The following PKHD1 variants were observed in gnomAD, a reference collection of about 807,000 sequenced individuals.
PKHD1 encodes the protein fibrocystin.
In PKHD1, 291 loss-of-function variants were observed where a neutral mutation model predicts 412.0. The ratio of observed to expected loss-of-function variants is 0.71; its 90% confidence interval spans 0.64 to 0.78. The LOEUF (loss-of-function observed/expected upper bound fraction) is 0.78. Among genes scored for constraint, PKHD1 ranks in the 30% least tolerant of loss-of-function variants. PKHD1 has a pLI of 0.00. For missense variants in PKHD1, 4,825 were observed against 4,950.7 expected (o/e 0.97, Z 0.76); for synonymous variants, 1,777 against 1,821.5 (o/e 0.98, Z 0.62).
intron 60 of PKHD1, among the ~76,000 whole-genome samples, chr6:51,666,850 C>T (rs936200581): frequency 1.3e-5 from 2 of 151,964 alleles, no homozygotes; most frequent in East Asian, 1.9e-4. Flanking sequence ...CAATTTCATC[C>T]ATGTCCCTAC....
At chr6:51,643,554 T>G (rs921271039) in intron 63 of PKHD1, among the ~76,000 whole-genome samples, 12 of 152,132 alleles carry the variant, frequency 7.9e-5, no homozygotes, top group Middle Eastern at 3.2e-3. Context: ...CCTTTAAATT[T>G]GGATTGTATA....
At chr6:52,042,208 G>GA (rs1252604508) in intron 27 of PKHD1, among the ~76,000 whole-genome samples, 2 of 152,046 alleles carry the variant, frequency 1.3e-5, no homozygotes, top group East Asian at 1.9e-4. Flanking sequence ...AATAGGGTCA[G>GA]AAAAAAATCT....
intron 63 of PKHD1, among the ~76,000 whole-genome samples, chr6:51,645,583 G>A (rs1769988960): frequency 6.6e-6 from 1 of 151,896 alleles, no homozygotes; most frequent in African/African-American, 2.4e-5. Context: ...TAGTAGAGAC[G>A]GCGTTTCACC....
intron 51 of PKHD1, among the ~76,000 whole-genome samples, chr6:51,835,071 T>A (rs1483644023): frequency 1.3e-5 from 2 of 152,224 alleles, no homozygotes; most frequent in East Asian, 3.8e-4. Flanking sequence ...GTATGGGCTT[T>A]CTATTTCTCA....
In PKHD1 at chr6:52,070,314, G is replaced by A. The variant is rs566915087; in HGVS notation, c.707+92C>T. The A allele has an allele frequency of 1.0e-4, 90 of 859,690 alleles. 1 individual carries two copies. The highest frequency in any genetic ancestry group is 4.0e-4 in the African/African-American group (24 of 59,942). 53.3% of individuals were successfully genotyped at this position (859,690 alleles called of 1,614,324 possible). ...TGTTTTTATATGTTTAACATTTTCC[G>A]TCATAAAAAGATAAAGAAAGTAAGC... is the stretch of plus-strand genomic sequence containing the variant. On this transcript the variant is annotated intron_variant, in intron 10 of 66. Coordinates refer to ENST00000371117, the MANE Select transcript of PKHD1 (RefSeq NM_138694.4).
intron 54 of PKHD1, among the ~76,000 whole-genome samples, chr6:51,775,149 A>T (rs1026005770): frequency 4.0e-5 from 6 of 151,802 alleles, no homozygotes; most frequent in African/African-American, 1.4e-4. Context: ...TTCAACTATT[A>T]TATAAGTAAG....
At chr6:51,852,908 C>T (rs1469701998) in intron 49 of PKHD1, among the ~76,000 whole-genome samples, 1 of 152,064 alleles carries the variant, frequency 6.6e-6, no homozygotes, top group Non-Finnish European at 1.5e-5. Context: ...AGCCCATTTA[C>T]ATTTAAGGTT....
chr6:52,022,928 C>G lies in PKHD1; in HGVS notation c.5253G>C (p.Arg1751Ser). 6.2e-7 allele frequency: 1 copy of G among 1,614,108 alleles called. No individual in the cohort carries two copies. The highest frequency in any genetic ancestry group is 1.1e-5 in the South Asian group (1 of 91,072). ...VTENFGCLGG[R>S]LVHVFGAGFS... ...ATCCCGCTCCAAACACATGCACCAG[C>G]CTTCCACCCAGGCAGCCTTTAAAGA... The change falls in exon 33 of 67, where the codon AGG becomes AGC. Residue 1751 changes from arginine to serine, a missense_variant. Transcript: ENST00000371117.
chr6:51,905,155 T>C (rs545809244), intron 41 of PKHD1, among the ~76,000 whole-genome samples: 129 of 152,304 alleles, frequency 8.5e-4, no homozygotes, highest in Non-Finnish European at 1.5e-3. Flanking sequence ...TATCAAACGG[T>C]ATTTAACAAA....
chr6:51,796,607 C>A (rs1794650305), intron 52 of PKHD1, among the ~76,000 whole-genome samples: 1 of 151,902 alleles, frequency 6.6e-6, no homozygotes, highest in African/African-American at 2.4e-5. Flanking sequence ...AACTTGAGAT[C>A]TTTCTAGCTT....
At chr6:51,679,058 C>T (rs1042536974) in intron 60 of PKHD1, among the ~76,000 whole-genome samples, 4 of 152,052 alleles carry the variant, frequency 2.6e-5, no homozygotes, top group African/African-American at 9.7e-5. Context: ...ATGCCCTGCT[C>T]TGAGCTGTGG....
At chr6:51,935,754 G>T (rs1266891) in intron 36 of PKHD1, among the ~76,000 whole-genome samples, 107,079 of 152,148 alleles carry the variant, frequency 0.7, 38,186 homozygotes, top group East Asian at 0.94. Flanking sequence ...TCTCAAACAG[G>T]CCTCAGGGCA....
chr6:51,717,264 T>C (rs776899567), intron 60 of PKHD1, among the ~76,000 whole-genome samples: 1 of 152,046 alleles, frequency 6.6e-6, no homozygotes, highest in Non-Finnish European at 1.5e-5. Context: ...AAACAAAAAT[T>C]AGCTGGGCAT....
intron 66 of PKHD1, among the ~76,000 whole-genome samples, chr6:51,620,373 T>C (rs953683897): frequency 6.6e-6 from 1 of 152,080 alleles, no homozygotes; most frequent in African/African-American, 2.4e-5. Flanking sequence ...AAGACTGCAA[T>C]GGAAAGTTAA....
intron 55 of PKHD1, among the ~76,000 whole-genome samples, chr6:51,765,502 TC>T (rs35667788): frequency 2.0e-5 from 3 of 151,972 alleles, no homozygotes; most frequent in East Asian, 1.9e-4. Context: ...TCTTCCTGTT[TC>T]CCCCCTACCC....
intron 60 of PKHD1, among the ~76,000 whole-genome samples, chr6:51,742,993 CA>C (rs1170462397): frequency 6.6e-6 from 1 of 152,082 alleles, no homozygotes; most frequent in Non-Finnish European, 1.5e-5. Context: ...TAGTGATACA[CA>C]TACCATGTTA....
intron 64 of PKHD1, among the ~76,000 whole-genome samples, chr6:51,638,129 G>T (rs1768825600): frequency 1.3e-5 from 2 of 152,110 alleles, no homozygotes; most frequent in Non-Finnish European, 2.9e-5. Context: ...TATAGTTAAG[G>T]ATGCAAATGA....
chr6:51,670,897 G>A (rs1212181471), intron 60 of PKHD1, among the ~76,000 whole-genome samples: 2 of 151,928 alleles, frequency 1.3e-5, no homozygotes, highest in Non-Finnish European at 2.9e-5. Context: ...CTGGCTTGTA[G>A]AGTTTCTGCC....
rs1801984285 is a variant in PKHD1 at position 52,025,316 on chromosome 6, A to G, written c.4494T>C (p.Ser1498=). The G allele has an allele frequency of 1.2e-6, 2 of 1,613,994 alleles. No homozygotes were observed. The highest frequency in any genetic ancestry group is 1.7e-5 in the Admixed American group (1 of 60,002). ...GACCCCTAATCAGCACAGTGGTCAG[A>G]GACCCACTGGTGTTTGTGGACAAGG... ...MDALSTNTSG[S]LTTVLIRGQR... The change falls in exon 32 of 67, where the codon TCT becomes TCC. Residue 1498 remains serine, a synonymous_variant. Transcript: ENST00000371117.
Sources: allele counts gnomAD v4.1 joint callset (sites outside exome capture counted in the v4.1 genomes callset), GRCh38; gene constraint gnomAD v4.1.1; transcripts MANE v1.5; gene names NCBI Gene and HGNC (gene_info 2026-07-23, HGNC 2026-07-21).